FBXW7: variants seen among roughly 807,000 people sequenced by gnomAD.
FBXW7 encodes F-box and WD repeat domain containing 7, also known as F-box/WD repeat-containing protein 7.
A neutral mutation model predicts 86.3 loss-of-function variants in FBXW7; 11 were observed. That is an observed-to-expected ratio of 0.13 (90% confidence interval 0.08 to 0.21). The LOEUF is 0.21. Among genes scored for constraint, FBXW7 ranks in the 10% least tolerant of loss-of-function variants. FBXW7 has a pLI of 1.00. For missense variants in FBXW7, 488 were observed against 847.4 expected (o/e 0.58, Z 5.27); for synonymous variants, 313 against 297.9 (o/e 1.05, Z -0.52).
chr4:152,535,661 G>C lies in FBXW7; in HGVS notation c.-747C>G, dbSNP rs938351677. 7.6e-6 allele frequency: 3 copies of C among 396,342 alleles called. No individual in the cohort carries two copies. The highest frequency in any genetic ancestry group is 1.3e-5 in the Non-Finnish European group (3 of 224,584). 24.6% of individuals were successfully genotyped at this position (396,342 alleles called of 1,614,324 possible). ...CTCCCGCATGTGTCGCTGCGGCTGG[G>C]ACCCCCCTCCCTACACCTTGGGGGT... On this transcript the variant is annotated 5_prime_UTR_variant, in exon 1 of 14. Transcript: ENST00000281708.
In FBXW7 at chr4:152,386,648, A is replaced by G. The variant is rs192102980; in HGVS notation, c.501+24655T>C. On this transcript the variant is annotated intron_variant, in intron 4 of 13. Transcript: ENST00000281708. ...TAATTCTGTCAAAATTTTTGCCAAAATATGAAGCTGTAGTATCTTAGCCAT... is the reference window on the plus strand; with the variant it reads ...TAATTCTGTCAAAATTTTTGCCAAAGTATGAAGCTGTAGTATCTTAGCCAT... Among the ~76,000 whole-genome samples the G allele has an allele frequency of 4.6e-4, 70 of 152,258 alleles. 1 individual carries two copies. Among genetic ancestry groups the G allele is most frequent in the Admixed American group, 3.6e-3 (55 of 15,292 alleles).
intron 2 of FBXW7, among the ~76,000 whole-genome samples, chr4:152,427,046 T>C (rs780178888): frequency 1.3e-5 from 2 of 152,164 alleles, no homozygotes; most frequent in Non-Finnish European, 2.9e-5. Flanking sequence ...AATAGGATGG[T>C]GACGGAGTTT....
At chr4:152,374,109 T>C (rs1734254337) in intron 4 of FBXW7, among the ~76,000 whole-genome samples, 1 of 151,906 alleles carries the variant, frequency 6.6e-6, no homozygotes, top group African/African-American at 2.4e-5. Context: ...AAGAGAAGCT[T>C]AGAAAGCCAC....
At chr4:152,369,103 T>C (rs2126728618) in intron 4 of FBXW7, among the ~76,000 whole-genome samples, 1 of 152,230 alleles carries the variant, frequency 6.6e-6, no homozygotes, top group Admixed American at 6.6e-5. Flanking sequence ...AAAAAAATAC[T>C]CAAAATCTCT....
intron 2 of FBXW7, among the ~76,000 whole-genome samples, chr4:152,438,582 C>T (rs1348075168): frequency 1.3e-5 from 2 of 152,042 alleles, no homozygotes; most frequent in Non-Finnish European, 2.9e-5. Flanking sequence ...GGCTGAGGAA[C>T]GAGAATCACT....
intron 8 of FBXW7, among the ~76,000 whole-genome samples, chr4:152,331,181 C>T (rs904014150): frequency 3.3e-5 from 5 of 151,848 alleles, no homozygotes; most frequent in Admixed American, 6.6e-5. Flanking sequence ...CTGGTGGTTC[C>T]CCAAAACAAA....
chr4:152,404,003 C>G (rs1255208127), intron 4 of FBXW7, among the ~76,000 whole-genome samples: 1 of 152,228 alleles, frequency 6.6e-6, no homozygotes, highest in African/African-American at 2.4e-5. Flanking sequence ...TATTACTCTT[C>G]TAATAACGTG....
chr4:152,383,340 C>A (rs888663324), intron 4 of FBXW7, among the ~76,000 whole-genome samples: 3 of 152,048 alleles, frequency 2.0e-5, no homozygotes, highest in Admixed American at 2.0e-4. Flanking sequence ...TCCTCAAGAA[C>A]CTTCAATGGT....
intron 7 of FBXW7, among the ~76,000 whole-genome samples, chr4:152,332,969 C>T (rs7685296): frequency 0.37 from 56,307 of 151,710 alleles, 11,431 homozygotes; most frequent in African/African-American, 0.54. Flanking sequence ...CTTATTAAAC[C>T]TCTCTGTCTC....
At chr4:152,485,833 T>C (rs1745287308) in intron 2 of FBXW7, among the ~76,000 whole-genome samples, 1 of 152,156 alleles carries the variant, frequency 6.6e-6, no homozygotes, top group African/African-American at 2.4e-5. Flanking sequence ...CCAGACTGAT[T>C]GAGTTCTCGC....
At chr4:152,533,787 T>TA (rs918684550) in intron 2 of FBXW7, among the ~76,000 whole-genome samples, 4 of 151,968 alleles carry the variant, frequency 2.6e-5, no homozygotes, top group East Asian at 1.9e-4. Context: ...CTCATTACTT[T>TA]AAAAAAAAGG....
chr4:152,468,574 T>C (rs1375856013), intron 2 of FBXW7, among the ~76,000 whole-genome samples: 1 of 152,084 alleles, frequency 6.6e-6, no homozygotes, highest in African/African-American at 2.4e-5. Flanking sequence ...AGAAAGTGTA[T>C]TAGTGGTTGC....
intron 2 of FBXW7, among the ~76,000 whole-genome samples, chr4:152,522,133 A>T (rs1749079136): frequency 6.6e-6 from 1 of 152,168 alleles, no homozygotes; most frequent in Admixed American, 6.5e-5. Context: ...TTCCCCCAAT[A>T]GATCATTCCA....
intron 2 of FBXW7, among the ~76,000 whole-genome samples, chr4:152,510,142 C>G (rs1273030545): frequency 6.6e-6 from 1 of 152,146 alleles, no homozygotes; most frequent in Non-Finnish European, 1.5e-5. Flanking sequence ...AAATTGGGAA[C>G]AACCTAAACG....
At chr4:152,419,121 T>C (rs1301466136) in intron 2 of FBXW7, among the ~76,000 whole-genome samples, 2 of 152,170 alleles carry the variant, frequency 1.3e-5, no homozygotes, top group Non-Finnish European at 2.9e-5. Flanking sequence ...CTTTGGCTTA[T>C]GGTTTTAGCA....
chr4:152,393,642 T>C (rs1048354987), intron 4 of FBXW7, among the ~76,000 whole-genome samples: 5 of 152,102 alleles, frequency 3.3e-5, no homozygotes, highest in African/African-American at 1.2e-4. Flanking sequence ...AGAACCAACA[T>C]CTGTAGCTAA....
At position 152,322,798 on chromosome 4, in the gene FBXW7, T is replaced by A; in HGVS notation, c.*83A>T. On this transcript the variant is annotated 3_prime_UTR_variant, in exon 14 of 14. Coordinates refer to ENST00000281708, the MANE Select transcript of FBXW7 (RefSeq NM_001349798.2). The stretch of plus-strand genomic sequence containing the variant: ...CTGAGAACAAGGGATTTTTTTCTTT[T>A]TCTTTTCTTTTTTTCTTTTTGCAGG... 1.9e-6 allele frequency: 3 copies of A among 1,557,452 alleles called. No individual in the cohort carries two copies. The highest frequency in any genetic ancestry group is 2.6e-6 in the Non-Finnish European group (3 of 1,156,358).
intron 4 of FBXW7, among the ~76,000 whole-genome samples, chr4:152,401,414 T>A (rs1281888040): frequency 6.6e-6 from 1 of 152,204 alleles, no homozygotes; most frequent in African/African-American, 2.4e-5. Context: ...CAATGCATAT[T>A]ACGTAAGTGA....
In FBXW7 at chr4:152,384,776, C is replaced by CT. The variant is rs562780905; in HGVS notation, c.501+26526dup. Among the ~76,000 whole-genome samples, 112 of 151,792 alleles carry CT rather than the reference C, an allele frequency of 7.4e-4. No individual in the cohort carries two copies. The South Asian group carries it at 0.022, about 30-fold the overall frequency. On this transcript the variant is annotated intron_variant, in intron 4 of 13. Transcript: ENST00000281708. ...CATCACCAAAAAAACCTCGAGAGAT[C>CT]TAAGGTTAGGAGAGAGAAGAGATAA...
Sources: allele counts gnomAD v4.1 joint callset (sites outside exome capture counted in the v4.1 genomes callset), GRCh38; gene constraint gnomAD v4.1.1; transcripts MANE v1.5; gene names NCBI Gene and HGNC (gene_info 2026-07-23, HGNC 2026-07-21).